The following EPHA6 variants were observed in gnomAD, a reference collection of about 807,000 sequenced individuals.
The protein encoded by EPHA6 is EPH receptor A6, also known as ephrin type-A receptor 6.
A neutral mutation model predicts 112.0 loss-of-function variants in EPHA6; 50 were observed. The observed-to-expected ratio is 0.45, with a 90% CI of 0.36 to 0.56. EPHA6 has a LOEUF of 0.56. EPHA6 is among the 20% of genes least tolerant of loss of function. The pLI is 0.00. For missense variants in EPHA6, 1,280 were observed against 1,417.4 expected (o/e 0.90, Z 1.56); for synonymous variants, 529 against 490.7 (o/e 1.08, Z -1.03).
chr3:96,964,311 C>T (rs1312638561), intron 2 of EPHA6, among the ~76,000 whole-genome samples: 4 of 152,280 alleles, frequency 2.6e-5, no homozygotes, highest in Non-Finnish European at 5.9e-5. Flanking sequence ...ATTTCAGTGC[C>T]ACATTATTAT....
chr3:97,729,674 TA>T (rs2034946399), intron 15 of EPHA6, among the ~76,000 whole-genome samples: 2 of 147,528 alleles, frequency 1.4e-5, no homozygotes, highest in African/African-American at 5.0e-5. Flanking sequence ...GTTATTTACT[TA>T]GAACCACTTT....
intron 3 of EPHA6, among the ~76,000 whole-genome samples, chr3:97,175,841 T>C (rs2076821243): frequency 6.6e-6 from 1 of 151,924 alleles, no homozygotes; most frequent in Non-Finnish European, 1.5e-5. Flanking sequence ...GATCATATCA[T>C]CAGCAAACAA....
At chr3:96,977,126 A>G (rs1051469273) in intron 2 of EPHA6, among the ~76,000 whole-genome samples, 1 of 152,160 alleles carries the variant, frequency 6.6e-6, no homozygotes, top group East Asian at 1.9e-4. Flanking sequence ...TAGGAGTCCA[A>G]GTATTTTAAA....
chr3:97,039,513 T>G (rs1309725266), intron 3 of EPHA6, among the ~76,000 whole-genome samples: 1 of 151,824 alleles, frequency 6.6e-6, no homozygotes, highest in Non-Finnish European at 1.5e-5. Context: ...AGAAGAGATA[T>G]AGTTAGTTGG....
intron 5 of EPHA6, among the ~76,000 whole-genome samples, chr3:97,354,557 C>T (rs1375335746): frequency 6.6e-6 from 1 of 151,884 alleles, no homozygotes. Context: ...AAAATATACA[C>T]AGTCAGAGGA....
chr3:96,887,729 G>A (rs1267642573), intron 2 of EPHA6, among the ~76,000 whole-genome samples: 1 of 152,138 alleles, frequency 6.6e-6, no homozygotes, highest in African/African-American at 2.4e-5. Context: ...GGGGCTAGGT[G>A]TATTGAGCTC....
intron 3 of EPHA6, among the ~76,000 whole-genome samples, chr3:97,151,176 A>G (rs1312746249): frequency 2.0e-5 from 3 of 151,952 alleles, no homozygotes; most frequent in Non-Finnish European, 4.4e-5. Context: ...TTCCTAAAAT[A>G]CTCTGCTTCT....
At chr3:97,480,136 A>G (rs55968307) in intron 9 of EPHA6, among the ~76,000 whole-genome samples, 28,782 of 152,076 alleles carry the variant, frequency 0.19, 4,100 homozygotes, top group African/African-American at 0.38. Context: ...ACCACCCTCC[A>G]GGAAAGGGAA....
chr3:96,844,246 G>A (rs544747265), intron 1 of EPHA6, among the ~76,000 whole-genome samples: 1 of 152,076 alleles, frequency 6.6e-6, no homozygotes, highest in South Asian at 2.1e-4. Flanking sequence ...CTATGTGTCT[G>A]TCTATAAACA....
rs997569228 is a variant in EPHA6 at position 97,633,907 on chromosome 3, G to T, written c.2575-3966G>T. ...TGAATAAATGGGGCTGTTCCTCTCA[G>T]CCAGACAGAGGTGAATAGATCCTCA... is the stretch of plus-strand genomic sequence containing the variant. On this transcript the variant is annotated intron_variant, in intron 13 of 17. Transcript: ENST00000389672. Among the ~76,000 whole-genome samples, 9 of 152,232 alleles carry T rather than the reference G, an allele frequency of 5.9e-5. No homozygotes were observed. The Middle Eastern group carries it at 0.01, about 173-fold the overall frequency.
intron 7 of EPHA6, among the ~76,000 whole-genome samples, chr3:97,472,872 C>T (rs2091266125): frequency 6.6e-6 from 1 of 151,758 alleles, no homozygotes; most frequent in African/African-American, 2.4e-5. Context: ...GTTTAAAGTA[C>T]TGGCAATTGC....
chr3:97,544,311 A>C (rs2092913473), intron 11 of EPHA6, among the ~76,000 whole-genome samples: 1 of 152,046 alleles, frequency 6.6e-6, no homozygotes, highest in Non-Finnish European at 1.5e-5. Context: ...AGGGTTGTTG[A>C]ATTTTGTCAA....
intron 3 of EPHA6, among the ~76,000 whole-genome samples, chr3:97,010,311 A>C (rs2044039478): frequency 6.6e-6 from 1 of 152,178 alleles, no homozygotes; most frequent in South Asian, 2.1e-4. Flanking sequence ...TTTATAAATA[A>C]AGTGTTTTGG....
In EPHA6 at chr3:97,639,739, G is replaced by A. The variant is rs1353900086; in HGVS notation, c.2784+1657G>A. Among the ~76,000 whole-genome samples, 3 of 152,028 alleles carry A rather than the reference G, an allele frequency of 2.0e-5. No homozygotes were observed. The East Asian group carries it at 5.8e-4, about 29-fold the overall frequency. ...CATCAAATTTAACAACCAGACTCTT[G>A]GCATTTTCTGTCTTATGTGATTCTA... On this transcript the variant is annotated intron_variant, in intron 14 of 17. Coordinates refer to ENST00000389672, the MANE Select transcript of EPHA6 (RefSeq NM_001080448.3).
chr3:97,158,724 A>G (rs1183673821), intron 3 of EPHA6, among the ~76,000 whole-genome samples: 2 of 152,124 alleles, frequency 1.3e-5, no homozygotes, highest in Non-Finnish European at 2.9e-5. Flanking sequence ...AGTAGAGGAA[A>G]ATGCAGGGAA....
At chr3:97,685,973 CAAATGGCATT>C (rs1326252472) in intron 14 of EPHA6, among the ~76,000 whole-genome samples, 2 of 151,918 alleles carry the variant, frequency 1.3e-5, no homozygotes, top group East Asian at 3.9e-4. Context: ...CCTGGAATGG[CAAATGGCATT>C]ACACTAAGCA....
chr3:97,382,075 T>C (rs2085775689), intron 5 of EPHA6, among the ~76,000 whole-genome samples: 1 of 152,132 alleles, frequency 6.6e-6, no homozygotes, highest in South Asian at 2.1e-4. Flanking sequence ...TAATGTTAAC[T>C]ATTTAGAAAT....
chr3:96,875,080 T>G (rs2036865571), intron 2 of EPHA6, among the ~76,000 whole-genome samples: 1 of 152,092 alleles, frequency 6.6e-6, no homozygotes, highest in Non-Finnish European at 1.5e-5. Context: ...TTTCTTAAAT[T>G]CCTTTTATCT....
At chr3:97,718,434 G>C (rs973351600) in intron 14 of EPHA6, among the ~76,000 whole-genome samples, 1 of 151,990 alleles carries the variant, frequency 6.6e-6, no homozygotes, top group African/African-American at 2.4e-5. Flanking sequence ...AGTTAAGTTT[G>C]AATTGCAGAT....
Sources: gnomAD v4.1 joint callset for allele counts (sites outside exome capture counted in the v4.1 genomes callset) on GRCh38, gnomAD v4.1.1 for gene constraint, MANE v1.5 for transcripts, NCBI Gene and HGNC (gene_info 2026-07-23, HGNC 2026-07-21) for gene names.